Variants in FAM228B observed in about 807,000 individuals in gnomAD.
FAM228B encodes family with sequence similarity 228 member B.
In FAM228B, 38 loss-of-function variants were observed where a neutral mutation model predicts 42.6. The ratio of observed to expected loss-of-function variants is 0.89; its 90% confidence interval spans 0.69 to 1.17. FAM228B has a LOEUF of 1.17. Ranked by LOEUF, FAM228B falls within the 50% of genes most tolerant of loss-of-function variation. The pLI is 0.00. For synonymous variants in FAM228B, 109 were observed against 122.3 expected (o/e 0.89, Z 0.72); for missense variants, 344 against 367.3 (o/e 0.94, Z 0.52).
intron 3 of FAM228B, among the ~76,000 whole-genome samples, chr2:24,105,306 C>CA (rs1043391710): frequency 2.6e-5 from 4 of 152,170 alleles, no homozygotes; most frequent in Admixed American, 1.3e-4. Context: ...AAAAGAAATG[C>CA]AAATAGGGAG....
intron 3 of FAM228B, among the ~76,000 whole-genome samples, chr2:24,112,434 A>G (rs1323140918): frequency 1.3e-5 from 2 of 150,934 alleles, no homozygotes; most frequent in African/African-American, 4.9e-5. Context: ...CTGAGTAGCT[A>G]GGATTACAGG....
chr2:24,168,600 T>C (rs192012627), intron 10 of FAM228B, among the ~76,000 whole-genome samples: 75 of 152,296 alleles, frequency 4.9e-4, no homozygotes, highest in Admixed American at 1.7e-3. Context: ...GGAGACAGAA[T>C]AAGCAATGCT....
chr2:24,167,203 C>T (rs1274629868), intron 9 of FAM228B, among the ~76,000 whole-genome samples: 2 of 152,110 alleles, frequency 1.3e-5, no homozygotes, highest in Admixed American at 6.5e-5. Context: ...AGCGAGGGCT[C>T]CAGGCTCCAG....
chr2:24,105,810 C>T (rs1477997365), intron 3 of FAM228B, among the ~76,000 whole-genome samples: 1 of 152,166 alleles, frequency 6.6e-6, no homozygotes, highest in Non-Finnish European at 1.5e-5. Context: ...ACAAGAATTG[C>T]ACATTCTAAC....
At chr2:24,088,109 C>G (rs71439113) in intron 2 of FAM228B, among the ~76,000 whole-genome samples, 1 of 151,816 alleles carries the variant, frequency 6.6e-6, no homozygotes, top group African/African-American at 2.4e-5. Context: ...AACTCCTTAC[C>G]TCAGGTTATC....
chr2:24,165,889 A>C (rs921365766), intron 9 of FAM228B: 9 of 161,884 alleles, frequency 5.6e-5, no homozygotes, highest in African/African-American at 2.2e-4. Flanking sequence ...TGAAAAATAC[A>C]AAGTTAGCCG....
intron 2 of FAM228B, among the ~76,000 whole-genome samples, chr2:24,081,347 A>G (rs886843386): frequency 9.9e-5 from 15 of 152,078 alleles, no homozygotes; most frequent in African/African-American, 3.4e-4. Flanking sequence ...TATTTTACCT[A>G]TAACACCAAA....
At chr2:24,116,658 C>T (rs1211838567) in intron 3 of FAM228B, among the ~76,000 whole-genome samples, 2 of 151,984 alleles carry the variant, frequency 1.3e-5, no homozygotes, top group East Asian at 3.9e-4. Flanking sequence ...AGTTCGAGAC[C>T]AGCCTGGCTA....
Position 24,106,583 on chromosome 2 carries a change from G to A in FAM228B, c.-121+11354G>A, listed in dbSNP as rs185733939. 1.2e-4 allele frequency among the ~76,000 whole-genome samples: 19 copies of A among 152,168 alleles called. 1 individual carries two copies. Among genetic ancestry groups the A allele is most frequent in the Admixed American group, 1.1e-3 (17 of 15,266 alleles). ...GATCTGCCTGCCTCAGCCTCCCAAAGTGCTGGGATTACAGGTATGAGCCAC... is the reference window on the plus strand; with the variant it reads ...GATCTGCCTGCCTCAGCCTCCCAAAATGCTGGGATTACAGGTATGAGCCAC... On this transcript the variant is annotated intron_variant, in intron 3 of 10. Coordinates refer to the FAM228B transcript ENST00000613899.
rs1664780164 is a variant in FAM228B, at chr2:24,077,033, T to C, written c.-290+64T>C. The C allele has an allele frequency of 4.0e-5, 6 of 149,292 alleles. No individual in the cohort carries two copies. In the Admixed American group the frequency reaches 4.2e-4, roughly 10 times the overall value. 9.2% of individuals were successfully genotyped at this position (149,292 alleles called of 1,614,324 possible). On this transcript the variant is annotated intron_variant, in intron 1 of 10. Coordinates refer to the FAM228B transcript ENST00000613899. This position sits in a 1 kb window ranked among gnomAD's most constrained non-coding sequence, Gnocchi z 5.5. The stretch of plus-strand genomic sequence containing the variant: ...GGAGGTGCGGCGGGGCCCAGAAGTG[T>C]AGCAGGAGGTGGTTGGGGCTGAGGA...
At chr2:24,082,815 G>T in intron 2 of FAM228B, 1 of 1,505,286 alleles carries the variant, frequency 6.6e-7, no homozygotes, top group Non-Finnish European at 8.9e-7. Context: ...GGGATTGCTG[G>T]GATTCAAGTT....
intron 3 of FAM228B, among the ~76,000 whole-genome samples, chr2:24,100,092 T>G (rs1015188376): frequency 6.9e-6 from 1 of 144,272 alleles, no homozygotes; most frequent in African/African-American, 2.5e-5. Flanking sequence ...CTGGATCCCT[T>G]CCTTACACCT....
intron 1 of FAM228B, among the ~76,000 whole-genome samples, chr2:24,078,087 G>A (rs1664840274): frequency 6.6e-6 from 1 of 152,064 alleles, no homozygotes; most frequent in Admixed American, 6.5e-5. Flanking sequence ...CCATACTAGG[G>A]CAAAAAGCCC....
At chr2:24,144,852 C>G (rs970524744) in intron 5 of FAM228B, among the ~76,000 whole-genome samples, 7 of 152,186 alleles carry the variant, frequency 4.6e-5, no homozygotes, top group African/African-American at 1.7e-4. Flanking sequence ...CCAGCACCCC[C>G]ACCCGAGTAC....
intron 1 of FAM228B, among the ~76,000 whole-genome samples, chr2:24,078,362 C>G (rs1192788922): frequency 6.6e-6 from 1 of 151,792 alleles, no homozygotes; most frequent in Non-Finnish European, 1.5e-5. Context: ...ATGGTGAAAA[C>G]CTGTCTCTAT....
chr2:24,164,226 G>A lies in FAM228B; in HGVS notation c.823G>A (p.Glu275Lys), dbSNP rs528686333. The A allele has an allele frequency of 6.4e-7, 1 of 1,550,944 alleles. No homozygotes were observed. The highest frequency in any genetic ancestry group is 2.0e-5 in the Admixed American group (1 of 50,968). Reference sequence around the variant, plus strand: ...CAAAGGGTCATCCTTTCTAGAAAGAGAACCGCTGTGCTATCAGGAGGGAAA... The same window carrying A: ...CAAAGGGTCATCCTTTCTAGAAAGAAAACCGCTGTGCTATCAGGAGGGAAA... ...KNKGSSFLER[E>K]PLCYQEGNNP... The change falls in exon 9 of 11, where the codon GAA (glutamate) becomes AAA (lysine). Residue 275 changes from glutamate (E) to lysine (K), a missense_variant. Coordinates refer to ENST00000615575, the MANE Select transcript of FAM228B (RefSeq NM_001145710.2).
At chr2:24,107,221 A>C (rs1192533866) in intron 3 of FAM228B, among the ~76,000 whole-genome samples, 3 of 152,248 alleles carry the variant, frequency 2.0e-5, no homozygotes, top group Non-Finnish European at 2.9e-5. Context: ...TTCAACAAGA[A>C]GACCTAACTA....
upstream of FAM228B, chr2:24,122,862 T>A (rs1666164795): frequency 5.0e-6 from 1 of 200,608 alleles, no homozygotes; most frequent in Non-Finnish European, 9.9e-6. Flanking sequence ...CATTACACAC[T>A]GAGAAAAACT....
Position 24,077,499 on chromosome 2 carries a change from G to A in FAM228B, c.-290+530G>A, listed in dbSNP as rs1664801437. On this transcript the variant is annotated intron_variant, in intron 1 of 10. Transcript: ENST00000613899. The surrounding 1 kb of genome is among the most constrained non-coding windows in gnomAD (Gnocchi z 5.5). ...CTCTGGAGGAAGCACCGGGTTTCTT[G>A]GCCTGTCTATTGTGAATCTTCTCCA... is the stretch of plus-strand genomic sequence containing the variant. 1.4e-6 allele frequency: 2 copies of A among 1,451,210 alleles called. No homozygotes were observed. The highest frequency in any genetic ancestry group is 1.8e-6 in the Non-Finnish European group (2 of 1,085,984). The allele number at this position is 1,451,210 out of a possible 1,614,324, so 89.9% of individuals were successfully genotyped here.
Sources: gnomAD v4.1 joint callset for allele counts (sites outside exome capture counted in the v4.1 genomes callset) on GRCh38, gnomAD v4.1.1 for gene constraint, Gnocchi (gnomAD v3.1) non-coding constraint, MANE v1.5 for transcripts, NCBI Gene and HGNC (gene_info 2026-07-23, HGNC 2026-07-21) for gene names.